Variants in TBCEL observed in about 807,000 individuals in gnomAD.
TBCEL encodes the protein tubulin-specific chaperone cofactor E-like protein.
A neutral mutation model predicts 44.2 loss-of-function variants in TBCEL; 15 were observed. That is an observed-to-expected ratio of 0.34 (90% confidence interval 0.23 to 0.52). TBCEL has a LOEUF of 0.52. Ranked by LOEUF, TBCEL falls within the 20% of genes least tolerant of loss-of-function variation. The pLI, the probability that TBCEL is intolerant of heterozygous loss-of-function variation, is 0.95. For missense variants in TBCEL, 319 were observed against 506.3 expected (o/e 0.63, Z 3.55); for synonymous variants, 171 against 185.4 (o/e 0.92, Z 0.63).
intron 1 of TBCEL, among the ~76,000 whole-genome samples, chr11:121,024,777 A>T (rs1945017030): frequency 6.6e-6 from 1 of 152,186 alleles, no homozygotes; most frequent in African/African-American, 2.4e-5. Flanking sequence ...TGGGGGAAGG[A>T]CGGGCATGTC....
Position 121,078,845 on chromosome 11 carries a change from T to C in TBCEL, c.957-7933T>C, listed in dbSNP as rs139954222. ...CTGGTCCATGGAGATGCTTATCATT[T>C]TTGAGACTGGCTATATCTTCTTAGA... On this transcript the variant is annotated intron_variant, in intron 8 of 8. Coordinates refer to ENST00000683345, the MANE Select transcript of TBCEL (RefSeq NM_001363644.2). Among the ~76,000 whole-genome samples, 8 of 152,330 alleles carry C rather than the reference T, an allele frequency of 5.3e-5. No individual in the cohort carries two copies. In the East Asian group the frequency reaches 1.5e-3, roughly 29 times the overall value.
At position 121,085,522 on chromosome 11, in the gene TBCEL, G is replaced by A. The variant is rs181587965; in HGVS notation, c.957-1256G>A. On this transcript the variant is annotated intron_variant, in intron 8 of 8. Transcript: ENST00000683345. ...CTAATTTTACTAATGAGGAAATTGA[G>A]ATCCAAAAAGACAGTGAGTTGCCAA... Among the ~76,000 whole-genome samples, 715 of 152,254 alleles carry A rather than the reference G, an allele frequency of 4.7e-3. 5 individuals are homozygous for A. The highest frequency in any genetic ancestry group is 0.017 in the Middle Eastern group (5 of 294).
chr11:121,056,085 TGTA>T (rs1945615262), intron 6 of TBCEL, among the ~76,000 whole-genome samples: 1 of 151,842 alleles, frequency 6.6e-6, no homozygotes, highest in South Asian at 2.1e-4. Context: ...TATCCACCAT[TGTA>T]GTAACATTCA....
intron 8 of TBCEL, among the ~76,000 whole-genome samples, chr11:121,085,124 C>T (rs1946192614): frequency 6.6e-6 from 1 of 151,944 alleles, no homozygotes; most frequent in Non-Finnish European, 1.5e-5. Context: ...CTGCAACTTC[C>T]ACCTCCCGGG....
intron 4 of TBCEL, among the ~76,000 whole-genome samples, chr11:121,052,462 T>C (rs1945545574): frequency 6.6e-6 from 1 of 151,802 alleles, no homozygotes; most frequent in African/African-American, 2.4e-5. Flanking sequence ...CTAGGAAGTG[T>C]TGGAACCTCG....
intron 4 of TBCEL, chr11:121,047,916 C>T (rs553694204): frequency 7.5e-5 from 15 of 199,728 alleles, no homozygotes; most frequent in Non-Finnish European, 1.0e-4. Flanking sequence ...GGCAACATAG[C>T]AAGAACCCAT....
chr11:121,027,475 A>G (rs1945066648), intron 1 of TBCEL, among the ~76,000 whole-genome samples: 1 of 152,210 alleles, frequency 6.6e-6, no homozygotes. Flanking sequence ...CAGGCACTGA[A>G]TAAAGCCCAT....
At chr11:121,059,938 A>C in intron 7 of TBCEL, 31 bp from the exon 8 acceptor site, 1 of 1,485,614 alleles carries the variant, frequency 6.7e-7, no homozygotes, top group African/African-American at 1.4e-5. Context: ...AGTATCTTAA[A>C]AAATGTCTTT....
intron 8 of TBCEL, among the ~76,000 whole-genome samples, chr11:121,081,152 G>A (rs1000535418): frequency 6.6e-6 from 1 of 152,166 alleles, no homozygotes; most frequent in African/African-American, 2.4e-5. Flanking sequence ...GTTTGCTTGT[G>A]GGTGGTATTC....
At chr11:121,078,018 A>G (rs1289353979) in intron 8 of TBCEL, among the ~76,000 whole-genome samples, 1 of 151,856 alleles carries the variant, frequency 6.6e-6, no homozygotes, top group African/African-American at 2.4e-5. Flanking sequence ...CTGTTGTGGT[A>G]TATTTGAGGT....
chr11:121,088,418 C>G lies in TBCEL; in HGVS notation c.*1322C>G, dbSNP rs1946248324. 1 of 152,116 alleles carries G rather than the reference C, an allele frequency of 6.6e-6. No homozygotes were observed. The highest frequency in any genetic ancestry group is 2.1e-4 in the South Asian group (1 of 4,822). 9.4% of individuals were successfully genotyped at this position (152,116 alleles called of 1,614,324 possible). A position where few individuals can be genotyped will look rare whatever the true frequency, so the allele number is the denominator to read the frequency against. On this transcript the variant is annotated 3_prime_UTR_variant, in exon 9 of 9. Transcript: ENST00000683345. ...TTTTCTGTAAAAGCTAGTTCCTTAC[C>G]TGCTTGGAAATCTTTTTGTTTGTTC...
chr11:121,084,231 A>T (rs908285543), intron 8 of TBCEL, among the ~76,000 whole-genome samples: 3 of 152,038 alleles, frequency 2.0e-5, no homozygotes, highest in Non-Finnish European at 4.4e-5. Context: ...TAGGTATAAT[A>T]ATTTTGGGCC....
chr11:121,075,678 G>A (rs765074457), intron 8 of TBCEL, among the ~76,000 whole-genome samples: 2 of 151,842 alleles, frequency 1.3e-5, no homozygotes, highest in Non-Finnish European at 2.9e-5. Flanking sequence ...AATTTTCAAC[G>A]TACAAGTCCT....
chr11:121,037,966 T>A (rs1945262715), intron 2 of TBCEL, among the ~76,000 whole-genome samples: 1 of 151,742 alleles, frequency 6.6e-6, no homozygotes, highest in Non-Finnish European at 1.5e-5. Context: ...AGAATGAATT[T>A]TTTTTTTTTT....
intron 8 of TBCEL, among the ~76,000 whole-genome samples, chr11:121,070,627 C>T (rs1216501658): frequency 1.3e-5 from 2 of 150,308 alleles, no homozygotes; most frequent in African/African-American, 4.9e-5. Flanking sequence ...AGCGCATGTT[C>T]TCACTCATAA....
intron 8 of TBCEL, among the ~76,000 whole-genome samples, chr11:121,066,674 C>T (rs966105981): frequency 1.3e-5 from 2 of 152,160 alleles, no homozygotes; most frequent in Non-Finnish European, 2.9e-5. Context: ...CGAATAACAA[C>T]AGAGGAGTTG....
chr11:121,068,953 A>C (rs1222057172), intron 8 of TBCEL, among the ~76,000 whole-genome samples: 2 of 147,932 alleles, frequency 1.4e-5, no homozygotes, highest in East Asian at 2.0e-4. Context: ...CTTCAAGCAC[A>C]CTCCCTCCTC....
At chr11:121,058,796 A>G (rs963067299) in intron 7 of TBCEL, among the ~76,000 whole-genome samples, 4 of 151,918 alleles carry the variant, frequency 2.6e-5, no homozygotes, top group South Asian at 2.1e-4. Flanking sequence ...AATCATTTCT[A>G]TTCTTATTTT....
intron 8 of TBCEL, among the ~76,000 whole-genome samples, chr11:121,078,913 A>T (rs1946077508): frequency 6.6e-6 from 1 of 152,150 alleles, no homozygotes; most frequent in African/African-American, 2.4e-5. Flanking sequence ...CTATGTTTGG[A>T]GCAAAAGTGC....
Sources: allele counts gnomAD v4.1 joint callset (sites outside exome capture counted in the v4.1 genomes callset), GRCh38; gene constraint gnomAD v4.1.1; transcripts MANE v1.5; gene names NCBI Gene and HGNC (gene_info 2026-07-23, HGNC 2026-07-21).